The following ALLC variants were observed in gnomAD, a reference collection of about 807,000 sequenced individuals.
ALLC encodes the protein allantoicase.
In ALLC, 40 loss-of-function variants were observed where a neutral mutation model predicts 45.0. The observed-to-expected ratio is 0.89, with a 90% CI of 0.69 to 1.16. The LOEUF (loss-of-function observed/expected upper bound fraction) is 1.16. ALLC is among the 50% of genes most tolerant of loss of function. The probability of loss-of-function intolerance (pLI) is 0.00; values close to 1 mark genes in which losing one functional copy is unlikely to be tolerated. For missense variants in ALLC, 488 were observed against 493.1 expected, an observed-to-expected ratio of 0.99 and a Z score of 0.10; for synonymous variants, 176 against 178.1, an observed-to-expected ratio of 0.99 and a Z score of 0.09.
At chr2:3,663,154 G>A (rs950134313) in intron 1 of ALLC, among the ~76,000 whole-genome samples, 17 of 152,182 alleles carry the variant, frequency 1.1e-4, no homozygotes, top group Non-Finnish European at 5.9e-5. Flanking sequence ...ATCCATGATA[G>A]CAAAGACATA....
chr2:3,649,949 G>C, the ALLC span, among the ~76,000 whole-genome samples: 60 of 152,380 alleles, frequency 3.9e-4, 2 homozygotes, highest in Admixed American at 2.6e-4. Context: ...AGGACTTGCT[G>C]CCCGTAGCTT....
At chr2:3,690,782 A>C (rs1336795424) in intron 7 of ALLC, among the ~76,000 whole-genome samples, 1 of 152,118 alleles carries the variant, frequency 6.6e-6, no homozygotes, top group Non-Finnish European at 1.5e-5. Context: ...CCTGTTAAAG[A>C]TATCAACAAA....
rs770809478 is a variant in ALLC, at chr2:3,697,356, G to T, written c.750G>T (p.Glu250Asp). The T allele has an allele frequency of 6.2e-7, 1 of 1,613,556 alleles. No individual in the cohort carries two copies. The highest frequency in any genetic ancestry group is 1.1e-5 in the South Asian group (1 of 91,062). Residue 250 changes from glutamate (E) to aspartate (D), a missense_variant, in exon 10 of 12, where the codon GAG becomes GAT. By Grantham distance (45) the Glu-to-Asp change is conservative (BLOSUM62 2). Transcript: ENST00000252505. ...TCTCTTCTGAATTCCAGAATGATGA[G>T]AATGGCATTCTCTTGGTTCCGGGTT... ...LDRPPILEND[E>D]NGILLVPGCE...
intron 3 of ALLC, among the ~76,000 whole-genome samples, chr2:3,677,553 G>T (rs926683957): frequency 6.6e-6 from 1 of 152,212 alleles, no homozygotes; most frequent in African/African-American, 2.4e-5. Context: ...TAGCACGATG[G>T]CTGTTTGCCT....
At chr2:3,696,894 GTTAGAT>G (rs1667689135) in intron 9 of ALLC, among the ~76,000 whole-genome samples, 1 of 152,204 alleles carries the variant, frequency 6.6e-6, no homozygotes, top group Non-Finnish European at 1.5e-5. Flanking sequence ...CCCTTCCTAA[GTTAGAT>G]TTCATGTCAC....
At chr2:3,654,810 G>C (rs756209050), upstream of ALLC, among the ~76,000 whole-genome samples, 1 of 152,186 alleles carries the variant, frequency 6.6e-6, no homozygotes, top group Non-Finnish European at 1.5e-5. Flanking sequence ...TCACAGACAG[G>C]GCATTTGCAA....
At chr2:3,646,625 T>C in the ALLC span, among the ~76,000 whole-genome samples, 8,232 of 152,256 alleles carry the variant, frequency 0.054, 240 homozygotes, top group Admixed American at 0.11. Flanking sequence ...CCTCGCCTGC[T>C]GGAAGGGAGC....
chr2:3,702,352 T>A lies in ALLC; in HGVS notation c.976-11T>A. 6.2e-7 allele frequency: 1 copy of A among 1,612,264 alleles called. No individual in the cohort carries two copies. The highest frequency in any genetic ancestry group is 8.5e-7 in the Non-Finnish European group (1 of 1,179,410). On this transcript the variant is annotated splice_polypyrimidine_tract_variant and intron_variant, in intron 11 of 11. Coordinates refer to ENST00000252505, the MANE Select transcript of ALLC (RefSeq NM_018436.4). ...AACAGACTAGGACCTCTGCATCTGC[T>A]TGCTTTTCAGTTGTCTCCCAACCAA...
chr2:3,651,428 TGTGTGTGTGTGTGTTAGG>T, the ALLC span, among the ~76,000 whole-genome samples: 494 of 58,806 alleles, frequency 8.4e-3, 12 homozygotes, highest in Admixed American at 0.014. Context: ...TGTGTGTGTG[TGTGTGTGTGTGTGTTAGG>T]AAGGGAGACG....
chr2:3,702,613 A>G lies in ALLC; in HGVS notation c.*50A>G, dbSNP rs1667894374. On this transcript the variant is annotated 3_prime_UTR_variant, in exon 12 of 12. Coordinates refer to ENST00000252505, the MANE Select transcript of ALLC (RefSeq NM_018436.4). ...CACACAGCAGTAATTTCCCAGTCAT[A>G]GTCTTCTTTTCAAATGTTTTGAACA... The G allele has an allele frequency of 2.0e-6, 3 of 1,480,574 alleles. No homozygotes were observed. The highest frequency in any genetic ancestry group is 2.5e-5 in the Admixed American group (1 of 40,626). The allele number at this position is 1,480,574 out of a possible 1,614,324, so 91.7% of individuals were successfully genotyped here.
intron 1 of ALLC, among the ~76,000 whole-genome samples, chr2:3,663,163 T>C (rs1488367880): frequency 6.6e-6 from 1 of 152,146 alleles, no homozygotes; most frequent in Non-Finnish European, 1.5e-5. Flanking sequence ...AGCAAAGACA[T>C]AGAACCAACC....
chr2:3,649,899 A>G, the ALLC span, among the ~76,000 whole-genome samples: 1 of 152,270 alleles, frequency 6.6e-6, no homozygotes, highest in Non-Finnish European at 1.5e-5. Flanking sequence ...GTTTTTCCTC[A>G]TCAGTGTTAC....
rs780785555 is a variant in ALLC, at chr2:3,678,502, C to T, written c.119C>T (p.Thr40Met). 70 of 1,613,910 alleles carry T rather than the reference C, an allele frequency of 4.3e-5. No homozygotes were observed. The East Asian group carries it at 5.1e-4, about 12-fold the overall frequency. The change falls in exon 4 of 12, where the codon ACG becomes ATG. Residue 40 changes from threonine (T) to methionine (M), a missense_variant. Coordinates refer to ENST00000252505, the MANE Select transcript of ALLC (RefSeq NM_018436.4). ...CCGTGCTTCAAAGAGCATGAATATA[C>T]GGAGTTTGGGAAATGGATGGATGGC... Reference protein sequence around the residue: ...DSPCFKEHEYTEFGKWMDGWE... With the variant: ...DSPCFKEHEYMEFGKWMDGWE...
the ALLC span, among the ~76,000 whole-genome samples, chr2:3,651,296 T>TGGA: frequency 0.2 from 727 of 3,594 alleles, 136 homozygotes; most frequent in Admixed American, 0.26. Context: ...GGAATTCTTT[T>TGGA]TGGGTGGGTG....
chr2:3,655,858 TTGCCCCTGAGCTC>T (rs1209810171), upstream of ALLC, among the ~76,000 whole-genome samples: 1 of 152,002 alleles, frequency 6.6e-6, no homozygotes, highest in East Asian at 1.9e-4. Flanking sequence ...GCCTCGAGCA[TTGCCCCTGAGCTC>T]TGCCCCTGTG....
the ALLC span, among the ~76,000 whole-genome samples, chr2:3,646,713 T>C: frequency 6.6e-6 from 1 of 152,198 alleles, no homozygotes; most frequent in Non-Finnish European, 1.5e-5. Context: ...CTGGTGCGTA[T>C]ATCCTTCTGG....
intron 10 of ALLC, among the ~76,000 whole-genome samples, chr2:3,700,756 C>T (rs1211379967): frequency 6.6e-6 from 1 of 152,232 alleles, no homozygotes. Flanking sequence ...CCGTATGCAC[C>T]CCAGGGGCAT....
chr2:3,649,143 G>T, the ALLC span, among the ~76,000 whole-genome samples: 20 of 152,270 alleles, frequency 1.3e-4, no homozygotes, highest in African/African-American at 4.6e-4. Flanking sequence ...AATGAAACCA[G>T]TTCCACAATG....
intron 2 of ALLC, among the ~76,000 whole-genome samples, chr2:3,671,897 C>T (rs1284687791): frequency 7.3e-6 from 1 of 137,058 alleles, no homozygotes; most frequent in Non-Finnish European, 1.6e-5. Flanking sequence ...ATGGGAGGTC[C>T]TCTGGCTCTG....
Sources: gnomAD v4.1 joint callset for allele counts (sites outside exome capture counted in the v4.1 genomes callset) on GRCh38, gnomAD v4.1.1 for gene constraint, MANE v1.5 for transcripts, NCBI Gene and HGNC (gene_info 2026-07-23, HGNC 2026-07-21) for gene names.